Variants in WDR36 observed in about 807,000 individuals in gnomAD.
WDR36 encodes the protein WD repeat domain 36.
WDR36 carries 63 observed loss-of-function variants against 112.7 expected under a neutral mutation model. The ratio of observed to expected loss-of-function variants is 0.56; its 90% confidence interval spans 0.46 to 0.69. The LOEUF (loss-of-function observed/expected upper bound fraction) is 0.69. WDR36 is among the 30% of genes least tolerant of loss of function. The pLI, the probability that WDR36 is intolerant of heterozygous loss-of-function variation, is 0.00. For synonymous variants in WDR36, 410 were observed against 362.2 expected, an observed-to-expected ratio of 1.13 and a Z score of -1.50; for missense variants, 1,226 against 1,070.3, an observed-to-expected ratio of 1.15 and a Z score of -2.03.
Position 111,125,599 on chromosome 5 carries a change from T to G in WDR36, c.2351-9T>G, listed in dbSNP as rs1341467835. The G allele has an allele frequency of 6.2e-7, 1 of 1,611,780 alleles. No individual in the cohort carries two copies. Among genetic ancestry groups the G allele is most frequent in the Non-Finnish European group, 8.5e-7 (1 of 1,178,788 alleles). On this transcript the variant is annotated splice_polypyrimidine_tract_variant and intron_variant, in intron 21 of 22. Coordinates refer to ENST00000513710, the MANE Select transcript of WDR36 (RefSeq NM_139281.3). ...AATCAAGTCATAACTGGATTAAAATTTAATGCAGATGACACTGCTCTCAAC... is the reference window on the plus strand; with the variant it reads ...AATCAAGTCATAACTGGATTAAAATGTAATGCAGATGACACTGCTCTCAAC...
At chr5:111,123,733 G>T (rs1753617116) in intron 19 of WDR36, 72 bp from the exon 20 acceptor site, 2 of 1,570,696 alleles carry the variant, frequency 1.3e-6, no homozygotes, top group African/African-American at 1.4e-5. Context: ...TTTTAAAATT[G>T]ATTTGAAATT....
Position 111,111,174 on chromosome 5 carries a change from A to G in WDR36, c.1612A>G (p.Ile538Val), listed in dbSNP as rs1753330397. 6.2e-7 allele frequency: 1 copy of G among 1,611,868 alleles called. No homozygotes were observed. The highest frequency in any genetic ancestry group is 8.5e-7 in the Non-Finnish European group (1 of 1,178,294). Residue 538 changes from isoleucine (I) to valine (V), a missense_variant, in exon 15 of 23, where the codon ATT (isoleucine) becomes GTT (valine). By Grantham distance (29) the Ile-to-Val change is conservative. Coordinates refer to ENST00000513710, the MANE Select transcript of WDR36 (RefSeq NM_139281.3). ...NIMLLHRDSGILGLALDDFSI... is the reference protein window; with the variant it reads ...NIMLLHRDSGVLGLALDDFSI... ...CTGGTGCATTTATCTTGCTAGTGGC[A>G]TTCTGGGACTCGCCTTGGATGACTT...
rs748795817 is a variant in WDR36 at position 111,092,486 on chromosome 5, C to T, written c.30C>T (p.Ala10=). MERASERRT[A]SALFAGFRAL... is the part of the protein sequence containing the mutation. Reference sequence around the variant, plus strand: ...AACGGGCCTCAGAAAGGCGCACGGCCAGCGCGCTTTTTGCGGGGTTCCGGG... The same window carrying T: ...AACGGGCCTCAGAAAGGCGCACGGCTAGCGCGCTTTTTGCGGGGTTCCGGG... Residue 10 remains alanine, a synonymous_variant, in exon 1 of 23, where the codon GCC becomes GCT. Transcript: ENST00000513710. The T allele has an allele frequency of 2.5e-6, 4 of 1,614,128 alleles. No individual in the cohort carries two copies. The highest frequency in any genetic ancestry group is 3.4e-6 in the Non-Finnish European group (4 of 1,180,064).
intron 4 of WDR36, 111 bp from the exon 5 acceptor site, chr5:111,100,478 T>A: frequency 1.4e-6 from 1 of 713,590 alleles, no homozygotes; most frequent in South Asian, 2.4e-5. Context: ...GTGGTTTATT[T>A]TAACATATAA....
intron 5 of WDR36, 91 bp downstream of exon 5, chr5:111,100,812 C>G (rs1753107261): frequency 7.6e-7 from 1 of 1,322,578 alleles, no homozygotes. Flanking sequence ...TCTCCCTGCC[C>G]TTGTATATTT....
In WDR36 at chr5:111,110,097, A is replaced by G. The variant is rs975940734; in HGVS notation, c.1327-92A>G. On this transcript the variant is annotated intron_variant, in intron 12 of 22. Coordinates refer to ENST00000513710, the MANE Select transcript of WDR36 (RefSeq NM_139281.3). The stretch of plus-strand genomic sequence containing the variant: ...ATTTATTGTTCTTTTGTTAAATAAA[A>G]AGGAACAAGTAGATAAAAAAATGCT... The G allele has an allele frequency of 1.3e-5, 11 of 838,264 alleles. No homozygotes were observed. The African/African-American group carries it at 1.9e-4, about 14-fold the overall frequency. 51.9% of individuals were successfully genotyped at this position (838,264 alleles called of 1,614,324 possible).
At chr5:111,122,423 G>A (rs1753584879) in intron 19 of WDR36, among the ~76,000 whole-genome samples, 1 of 152,188 alleles carries the variant, frequency 6.6e-6, no homozygotes, top group South Asian at 2.1e-4. Context: ...GAATAAAAGA[G>A]AATGTACCAA....
rs1406326956 is a variant in WDR36 at position 111,127,276 on chromosome 5, A to G, written c.*393A>G. The G allele has an allele frequency of 1.9e-5, 4 of 214,100 alleles. No homozygotes were observed. Among genetic ancestry groups the G allele is most frequent in the Admixed American group, 5.8e-5 (1 of 17,306 alleles). 13.3% of individuals were successfully genotyped at this position (214,100 alleles called of 1,614,324 possible). A position where few individuals can be genotyped will look rare whatever the true frequency, so the allele number is the denominator to read the frequency against. ...TCTGAGTCTCTTCACATTAACTTTT[A>G]TATGATTTTTAAAAAATTATTACCT... On this transcript the variant is annotated 3_prime_UTR_variant, in exon 23 of 23. Coordinates refer to ENST00000513710, the MANE Select transcript of WDR36 (RefSeq NM_139281.3).
At position 111,104,582 on chromosome 5, in the gene WDR36, G is replaced by A. The variant is rs1392006557; in HGVS notation, c.907-115G>A. 20 of 1,523,830 alleles carry A rather than the reference G, an allele frequency of 1.3e-5. No individual in the cohort carries two copies. The East Asian group carries it at 2.9e-4, about 22-fold the overall frequency. 94.4% of individuals were successfully genotyped at this position (1,523,830 alleles called of 1,614,324 possible). A position where few individuals can be genotyped will look rare whatever the true frequency, so the allele number is the denominator to read the frequency against. ...CCACTCCCTCCCTTGTAGCTCCAGAGTCAGTGGCTTAGCAAGCACTACTCA... is the reference window on the plus strand; with the variant it reads ...CCACTCCCTCCCTTGTAGCTCCAGAATCAGTGGCTTAGCAAGCACTACTCA... On this transcript the variant is annotated intron_variant, in intron 8 of 22. Transcript: ENST00000513710.
intron 12 of WDR36, among the ~76,000 whole-genome samples, chr5:111,109,845 G>A (rs968543820): frequency 3.3e-5 from 5 of 151,384 alleles, no homozygotes; most frequent in East Asian, 3.9e-4. Flanking sequence ...GAAATTAGGC[G>A]ATGGAATGTT....
rs1166909859 is a variant in WDR36 at position 111,105,359 on chromosome 5, T to C, written c.1092T>C (p.His364=). ...VHEKFNKSLG[H]GLINKKRVKR... ...AAAAATTCAATAAGAGCTTGGGACA[T>C]GGTAGGTCCTCTACAAGACAAAATA... The change falls in exon 10 of 23, where the codon CAT becomes CAC. Residue 364 remains histidine, a splice_region_variant and synonymous_variant. Coordinates refer to ENST00000513710, the MANE Select transcript of WDR36 (RefSeq NM_139281.3). The C allele has an allele frequency of 3.1e-6, 5 of 1,609,122 alleles. No individual in the cohort carries two copies. Among genetic ancestry groups the C allele is most frequent in the African/African-American group, 2.7e-5 (2 of 74,622 alleles).
At chr5:111,111,021 C>A in intron 14 of WDR36, 68 bp downstream of exon 14, 1 of 1,589,650 alleles carries the variant, frequency 6.3e-7, no homozygotes, top group Non-Finnish European at 8.6e-7. Context: ...TCACAATTTA[C>A]CAAGTGGGAA....
At chr5:111,121,166 C>T (rs767000583) in intron 19 of WDR36, 25 bp downstream of exon 19, 2 of 1,612,134 alleles carry the variant, frequency 1.2e-6, no homozygotes, top group African/African-American at 1.3e-5. Flanking sequence ...TCTTTATAGA[C>T]CCTAAGCATG....
intron 19 of WDR36, among the ~76,000 whole-genome samples, chr5:111,121,749 G>T (rs1437091995): frequency 6.6e-6 from 1 of 152,116 alleles, no homozygotes; most frequent in African/African-American, 2.4e-5. Context: ...GTATAGATTA[G>T]TATTTTTTAG....
chr5:111,125,887 T>C, intron 22 of WDR36, 92 bp downstream of exon 22: 1 of 1,338,198 alleles, frequency 7.5e-7, no homozygotes, highest in South Asian at 1.2e-5. Flanking sequence ...GTATGCTGTA[T>C]ATCCATCCTT....
At chr5:111,125,139 C>T (rs138892070) in intron 21 of WDR36, among the ~76,000 whole-genome samples, 29 of 152,238 alleles carry the variant, frequency 1.9e-4, no homozygotes, top group Admixed American at 1.1e-3. Flanking sequence ...ATATTCTGTA[C>T]TGTTAGTAAT....
chr5:111,118,498 G>A (rs994535042), intron 16 of WDR36, among the ~76,000 whole-genome samples: 2 of 152,086 alleles, frequency 1.3e-5, no homozygotes, highest in African/African-American at 2.4e-5. Flanking sequence ...GGTGTTTCAT[G>A]TATAGCATGA....
rs1356899663 is a variant in WDR36, at chr5:111,129,233, A to G, written c.*2350A>G. 1 of 196,350 alleles carries G rather than the reference A, an allele frequency of 5.1e-6. No individual in the cohort carries two copies. The highest frequency in any genetic ancestry group is 1.1e-5 in the Non-Finnish European group (1 of 94,738). The allele number at this position is 196,350 out of a possible 1,614,324, so 12.2% of individuals were successfully genotyped here. On this transcript the variant is annotated 3_prime_UTR_variant, in exon 23 of 23. Coordinates refer to ENST00000513710, the MANE Select transcript of WDR36 (RefSeq NM_139281.3). ...CATCCTACATGAGCCCTTTTTGTAC[A>G]TATAAGGCTCTCTCTGTGGTATATG...
In WDR36 at chr5:111,104,236, G is replaced by C. The variant is rs1753177428; in HGVS notation, c.790G>C (p.Glu264Gln). The C allele has an allele frequency of 6.2e-7, 1 of 1,611,792 alleles. No individual in the cohort carries two copies. Among genetic ancestry groups the C allele is most frequent in the African/African-American group, 1.3e-5 (1 of 74,786 alleles). The change falls in exon 8 of 23, where the codon GAA becomes CAA. Residue 264 changes from glutamate to glutamine, a missense_variant. By Grantham distance (29) the Glu-to-Gln change is conservative. Coordinates refer to ENST00000513710, the MANE Select transcript of WDR36 (RefSeq NM_139281.3). ...PCGHIGLWDL[E>Q]DKKLINQMRN... ...TGGCCATATTGGACTCTGGGATCTA[G>C]AAGACAAAAAATTAATCAACCAAAT...
Sources: allele counts gnomAD v4.1 joint callset (sites outside exome capture counted in the v4.1 genomes callset), GRCh38; gene constraint gnomAD v4.1.1; transcripts MANE v1.5; gene names NCBI Gene and HGNC (gene_info 2026-07-23, HGNC 2026-07-21).